Variants in AFDN observed in about 807,000 individuals in gnomAD.
The protein encoded by AFDN is afadin, adherens junction formation factor.
A neutral mutation model predicts 216.6 loss-of-function variants in AFDN; 68 were observed. That is an observed-to-expected ratio of 0.31 (90% CI 0.26 to 0.38). AFDN has a LOEUF of 0.38. Ranked by LOEUF, AFDN falls within the 10% of genes least tolerant of loss-of-function variation. The pLI is 1.00. For missense variants in AFDN, 2,136 were observed against 2,342.0 expected, an observed-to-expected ratio of 0.91 and a Z score of 1.82; for synonymous variants, 868 against 853.7, an observed-to-expected ratio of 1.02 and a Z score of -0.29.
At chr6:167,881,351 A>T (rs997144185) in intron 6 of AFDN, among the ~76,000 whole-genome samples, 19 of 152,222 alleles carry the variant, frequency 1.2e-4, no homozygotes, top group Admixed American at 5.9e-4. Flanking sequence ...TGTTTTTCTC[A>T]CATTAAAATG....
In AFDN at chr6:167,876,865, T is replaced by A. The variant is rs576215046; in HGVS notation, c.739+1370T>A. 3.3e-5 allele frequency among the ~76,000 whole-genome samples: 5 copies of A among 152,308 alleles called. No homozygotes were observed. In the South Asian group the frequency reaches 1.0e-3, roughly 32 times the overall value. On this transcript the variant is annotated intron_variant, in intron 5 of 33. Transcript: ENST00000683244. ...GTATTTTGCACTGCCATTGGGGGTA[T>A]TTTGATGGAAAAATTTGATATGCTT...
At chr6:167,963,562 T>C in intron 31 of AFDN, 1 of 1,058,028 alleles carries the variant, frequency 9.5e-7, no homozygotes, top group Non-Finnish European at 1.1e-6. Flanking sequence ...AAGAGTAAGC[T>C]TGATAGACAT....
intron 15 of AFDN, among the ~76,000 whole-genome samples, chr6:167,912,920 C>G (rs1790590043): frequency 6.6e-6 from 1 of 152,196 alleles, no homozygotes. Flanking sequence ...TATTTATACA[C>G]TTTTAAATTC....
At chr6:167,876,719 A>G (rs142640829) in intron 5 of AFDN, among the ~76,000 whole-genome samples, 4,661 of 152,306 alleles carry the variant, frequency 0.031, 100 homozygotes, top group African/African-American at 0.042. Flanking sequence ...ACTTTAAAAA[A>G]TATTTGTTAG....
chr6:167,913,339 C>CA (rs1350440166), intron 15 of AFDN, 64 bp from the exon 16 acceptor site: 23 of 1,475,338 alleles, frequency 1.6e-5, no homozygotes, highest in Non-Finnish European at 1.9e-5. Flanking sequence ...TTTAAACTAT[C>CA]ATGATTGTTT....
Position 167,971,429 on chromosome 6 carries a change from A to G in AFDN, c.*1494A>G, listed in dbSNP as rs752598432. On this transcript the variant is annotated 3_prime_UTR_variant, in exon 34 of 34. Transcript: ENST00000683244. ...AATCATTAAAAATGCGAGTGTAAATATTTTTTTTTACCTCTATCAGGGTTT... is the reference window on the plus strand; with the variant it reads ...AATCATTAAAAATGCGAGTGTAAATGTTTTTTTTTACCTCTATCAGGGTTT... The G allele has an allele frequency of 1.0e-5, 2 of 197,644 alleles. No homozygotes were observed. The highest frequency in any genetic ancestry group is 2.1e-5 in the Non-Finnish European group (2 of 95,988). 12.2% of individuals were successfully genotyped at this position (197,644 alleles called of 1,614,324 possible).
intron 1 of AFDN, among the ~76,000 whole-genome samples, chr6:167,845,813 A>T (rs1781605530): frequency 1.3e-5 from 2 of 152,232 alleles, no homozygotes; most frequent in Non-Finnish European, 2.9e-5. Context: ...GGTATAAAGA[A>T]CTACCCAAGA....
intron 26 of AFDN, among the ~76,000 whole-genome samples, chr6:167,946,412 A>AT (rs1214478917): frequency 0.01 from 1,513 of 150,586 alleles, 23 homozygotes; most frequent in African/African-American, 0.029. Flanking sequence ...ATCTTTATTG[A>AT]TTTTTTTTTT....
Position 167,969,207 on chromosome 6 carries a change from G to A in AFDN, c.5342+9G>A, listed in dbSNP as rs370950667. The A allele has an allele frequency of 6.2e-6, 10 of 1,608,994 alleles. No individual in the cohort carries two copies. Among genetic ancestry groups the A allele is most frequent in the South Asian group, 2.2e-5 (2 of 90,940 alleles). ...GAGAAGCGCTCTAAAAGGTATGGAC[G>A]GTTGCACTAGACGAGGAACTTCATC... On this transcript the variant is annotated intron_variant, in intron 33 of 33. Coordinates refer to ENST00000683244, the MANE Select transcript of AFDN (RefSeq NM_001386888.1).
intron 11 of AFDN, 29 bp downstream of exon 11, chr6:167,898,496 T>G: frequency 6.3e-7 from 1 of 1,597,764 alleles, no homozygotes; most frequent in Non-Finnish European, 8.5e-7. Context: ...AGATTTAAAA[T>G]GTTTTGATTA....
At chr6:167,837,044 A>G (rs773567980) in intron 1 of AFDN, among the ~76,000 whole-genome samples, 14 of 152,218 alleles carry the variant, frequency 9.2e-5, no homozygotes, top group Non-Finnish European at 1.3e-4. Context: ...TTTTGTGACA[A>G]ACTTGCTGAT....
At chr6:167,909,760 T>A (rs1306636421) in intron 13 of AFDN, among the ~76,000 whole-genome samples, 2 of 152,196 alleles carry the variant, frequency 1.3e-5, no homozygotes, top group African/African-American at 4.8e-5. Context: ...ACAGTTTAAG[T>A]CATTAATATC....
chr6:167,936,038 A>G (rs1162290851), intron 23 of AFDN, among the ~76,000 whole-genome samples: 1 of 152,204 alleles, frequency 6.6e-6, no homozygotes. Flanking sequence ...TAATTTTAAT[A>G]CCATATTTTA....
At position 167,889,224 on chromosome 6, in the gene AFDN, C is replaced by T; in HGVS notation, c.907C>T (p.Pro303Ser). 1 of 1,612,742 alleles carries T rather than the reference C, an allele frequency of 6.2e-7. No individual in the cohort carries two copies. The highest frequency in any genetic ancestry group is 1.1e-5 in the South Asian group (1 of 90,782). The change falls in exon 7 of 34, where the codon CCT (proline) becomes TCT (serine). Residue 303 changes from proline to serine, a missense_variant. Physicochemically the swap from Pro to Ser is moderately conservative, Grantham distance 74. This residue lies in a region of AFDN where 817 missense variants were observed against 965.7 expected (regional missense o/e 0.85). Transcript: ENST00000683244. ...KDYCIARVML[P>S]PGAQHSDEKG... ...ATTTTTGTTTTTTTAGGTTATGCTT[C>T]CTCCTGGAGCCCAGCATTCTGATGA... is the stretch of plus-strand genomic sequence containing the variant.
rs34069250 is a variant in AFDN, at chr6:167,874,610, ATTTTTTT to A, written c.579-709_579-703del. ...TTTGGGCTTTTCAAAATTTGCTATA[ATTTTTTT>A]TTTTTTTTTTTTTTTGAGATGAAGT... is the stretch of plus-strand genomic sequence containing the variant. On this transcript the variant is annotated intron_variant, in intron 4 of 33. Transcript: ENST00000683244. Among the ~76,000 whole-genome samples the A allele has an allele frequency of 8.8e-5, 10 of 113,264 alleles. No homozygotes were observed. The South Asian group carries it at 1.2e-3, about 14-fold the overall frequency. 74.3% of individuals were successfully genotyped at this position (113,264 alleles called of 152,430 possible).
intron 8 of AFDN, among the ~76,000 whole-genome samples, chr6:167,892,327 A>C (rs113082242): frequency 1.3e-5 from 2 of 152,150 alleles, no homozygotes; most frequent in African/African-American, 4.8e-5. Flanking sequence ...TTGTGTGTCT[A>C]TAATGTGTGT....
intron 13 of AFDN, 58 bp downstream of exon 13, chr6:167,907,347 T>C: frequency 1.5e-6 from 2 of 1,364,948 alleles, no homozygotes; most frequent in Non-Finnish European, 2.1e-6. Flanking sequence ...TAAAAAAGGG[T>C]TGGGATAAAG....
At chr6:167,834,456 G>GT (rs1562522942) in intron 1 of AFDN, among the ~76,000 whole-genome samples, 17 of 64,178 alleles carry the variant, frequency 2.6e-4, no homozygotes, top group African/African-American at 6.4e-4. Flanking sequence ...TTGTTGTTTC[G>GT]GTTTTTTTTT....
At chr6:167,946,654 T>C in intron 26 of AFDN, 53 bp from the exon 27 acceptor site, 2 of 1,457,010 alleles carry the variant, frequency 1.4e-6, no homozygotes, top group South Asian at 2.4e-5. Flanking sequence ...TTAATGATAA[T>C]CAGGGTGTTG....
Sources: gnomAD v4.1 joint callset for allele counts (sites outside exome capture counted in the v4.1 genomes callset) on GRCh38, gnomAD v4.1.1 for gene constraint, gnomAD v4.1.1 regional missense constraint, MANE v1.5 for transcripts, NCBI Gene and HGNC (gene_info 2026-07-23, HGNC 2026-07-21) for gene names.